Variants in TBXAS1 observed in about 807,000 individuals in gnomAD.
The protein encoded by TBXAS1 is thromboxane-A synthase.
Under a neutral mutation model 60.7 loss-of-function variants are expected in TBXAS1, and 48 were observed. The observed-to-expected ratio is 0.79, with a 90% confidence interval of 0.63 to 1.01. The LOEUF (loss-of-function observed/expected upper bound fraction) is 1.01, where lower values mean the gene tolerates loss of function less well. Ranked by LOEUF, TBXAS1 falls within the 50% of genes least tolerant of loss-of-function variation. The pLI is 0.00. For missense variants in TBXAS1, 685 were observed against 686.3 expected (o/e 1.00, Z 0.02); for synonymous variants, 287 against 269.7 (o/e 1.06, Z -0.63).
intron 4 of TBXAS1, among the ~76,000 whole-genome samples, chr7:139,823,811 G>T (rs930717711): frequency 3.3e-5 from 5 of 152,182 alleles, no homozygotes; most frequent in Non-Finnish European, 1.5e-5. Flanking sequence ...ATCAACCTGG[G>T]AATGAAAAGT....
intron 3 of TBXAS1, among the ~76,000 whole-genome samples, chr7:139,886,774 A>T (rs1219559237): frequency 6.6e-6 from 1 of 152,102 alleles, no homozygotes; most frequent in South Asian, 2.1e-4. Context: ...TCACTTCTTC[A>T]TCTCACTGCC....
chr7:139,831,299 TC>T (rs2116489816), intron 1 of TBXAS1, among the ~76,000 whole-genome samples: 1 of 152,218 alleles, frequency 6.6e-6, no homozygotes, highest in Admixed American at 6.5e-5. Context: ...TTTGGGTCCA[TC>T]CCTTGATTCA....
chr7:139,953,462 G>A lies in TBXAS1; in HGVS notation c.539+6G>A. The A allele has an allele frequency of 1.2e-6, 2 of 1,613,828 alleles. No homozygotes were observed. Among genetic ancestry groups the A allele is most frequent in the Non-Finnish European group, 1.7e-6 (2 of 1,179,692 alleles). ...GACGCATTTGACATCCAGAGGTAAG[G>A]CTGCTGCATTACAGATGAGAAATCG... is the stretch of plus-strand genomic sequence containing the variant. On this transcript the variant is annotated splice_donor_region_variant and intron_variant, in intron 6 of 12. Coordinates refer to ENST00000448866, the MANE Select transcript of TBXAS1 (RefSeq NM_001061.7).
intron 5 of TBXAS1, among the ~76,000 whole-genome samples, chr7:139,951,956 A>AAG (rs1569518393): frequency 9.8e-6 from 1 of 102,124 alleles, no homozygotes; most frequent in Admixed American, 1.1e-4. Context: ...AAAGAAAAGA[A>AAG]AGAAAGAAAG....
chr7:139,980,629 C>A (rs576558622), intron 9 of TBXAS1, among the ~76,000 whole-genome samples: 1 of 151,926 alleles, frequency 6.6e-6, no homozygotes, highest in Admixed American at 6.6e-5. Flanking sequence ...ACTTCCTCCC[C>A]TCGTTTCCTC....
At chr7:139,986,715 A>T (rs1569522668) in intron 9 of TBXAS1, among the ~76,000 whole-genome samples, 1 of 137,392 alleles carries the variant, frequency 7.3e-6, no homozygotes. Flanking sequence ...GCTGAGTAGT[A>T]TTCCATCATA....
At position 139,829,349 on chromosome 7, in the gene TBXAS1, G is replaced by C; in HGVS notation, c.-42G>C. On this transcript the variant is annotated 5_prime_UTR_variant, in exon 1 of 13. Coordinates refer to ENST00000448866, the MANE Select transcript of TBXAS1 (RefSeq NM_001061.7). ...ATAAGGGCGGCGAGATCAGCCTCCT[G>C]TCTCATCTGGAAGACCACCACTCTG... The C allele has an allele frequency of 3.8e-6, 6 of 1,591,960 alleles. No homozygotes were observed. Among genetic ancestry groups the C allele is most frequent in the Non-Finnish European group, 5.2e-6 (6 of 1,163,484 alleles).
chr7:139,805,056 TGA>T (rs1033859858), intron 4 of TBXAS1, among the ~76,000 whole-genome samples: 1 of 151,870 alleles, frequency 6.6e-6, no homozygotes, highest in African/African-American at 2.4e-5. Context: ...GAGGATGGAA[TGA>T]GATAAGTTCA....
intron 4 of TBXAS1, chr7:139,913,256 CT>C (rs1344969454): frequency 3.1e-6 from 2 of 652,980 alleles, no homozygotes; most frequent in Non-Finnish European, 5.7e-6. Context: ...TCAAAGTCCC[CT>C]GGAAGCCGTC....
At chr7:139,787,627 G>A (rs183313564) in intron 4 of TBXAS1, among the ~76,000 whole-genome samples, 264 of 152,232 alleles carry the variant, frequency 1.7e-3, no homozygotes, top group Non-Finnish European at 2.4e-3. Flanking sequence ...CAACGACTGG[G>A]ATGGCCAAGG....
chr7:139,784,173 CTTCT>C (rs1227585155), intron 3 of TBXAS1, among the ~76,000 whole-genome samples: 3 of 151,106 alleles, frequency 2.0e-5, no homozygotes, highest in Admixed American at 6.6e-5. Context: ...CCCTCCCTCC[CTTCT>C]TTCTCTTTCT....
In TBXAS1 at chr7:139,978,403, G is replaced by A. The variant is rs528036664; in HGVS notation, c.1134+16170G>A. 2.0e-4 allele frequency among the ~76,000 whole-genome samples: 31 copies of A among 151,818 alleles called. No individual in the cohort carries two copies. The East Asian group carries it at 2.9e-3, about 14-fold the overall frequency. On this transcript the variant is annotated intron_variant, in intron 9 of 12. Transcript: ENST00000448866. ...TGCACACCTGTAATTCCAGCTACTC[G>A]GGAGGCTGAGGCAGGAGAATTGCTT...
chr7:139,822,983 C>T (rs532469971), intron 4 of TBXAS1, among the ~76,000 whole-genome samples: 19 of 152,166 alleles, frequency 1.2e-4, no homozygotes, highest in African/African-American at 4.6e-4. Context: ...AGATGAACTT[C>T]TTGGTATGGC....
At chr7:139,912,089 G>A (rs1335732866) in intron 4 of TBXAS1, among the ~76,000 whole-genome samples, 3 of 152,138 alleles carry the variant, frequency 2.0e-5, no homozygotes, top group African/African-American at 7.2e-5. Context: ...AATTAGCCGG[G>A]TGTGGTGGCA....
At chr7:139,845,293 GC>G (rs1027564680) in intron 1 of TBXAS1, among the ~76,000 whole-genome samples, 1 of 152,012 alleles carries the variant, frequency 6.6e-6, no homozygotes, top group Non-Finnish European at 1.5e-5. Flanking sequence ...GGCTCCTGAA[GC>G]CCCCTCTGAC....
At position 139,955,406 on chromosome 7, in the gene TBXAS1, T is replaced by C. The variant is rs983533895; in HGVS notation, c.540-53T>C. ...CCTCCTCCTCTGGAGGGGGCCATTG[T>C]GGGTAGCCCCTGCCAGAGTCCTTTC... is the stretch of plus-strand genomic sequence containing the variant. On this transcript the variant is annotated intron_variant, in intron 6 of 12. Transcript: ENST00000448866. 41 of 1,612,260 alleles carry C rather than the reference T, an allele frequency of 2.5e-5. No homozygotes were observed. The African/African-American group carries it at 4.8e-4, about 19-fold the overall frequency.
intron 1 of TBXAS1, among the ~76,000 whole-genome samples, chr7:139,870,321 AAG>A (rs549408082): frequency 7.4e-4 from 112 of 152,376 alleles, no homozygotes; most frequent in African/African-American, 2.5e-3. Context: ...TTACAAAATT[AAG>A]ATGTAATTAT....
intron 5 of TBXAS1, chr7:139,952,835 C>A: frequency 1.2e-6 from 1 of 821,368 alleles, no homozygotes; most frequent in South Asian, 2.3e-5. Flanking sequence ...AAAGAATAAC[C>A]ATCCATCAGG....
chr7:139,872,517 G>A (rs548317369), intron 2 of TBXAS1, among the ~76,000 whole-genome samples, 189 bp downstream of exon 2: 1 of 152,210 alleles, frequency 6.6e-6, no homozygotes, highest in Admixed American at 6.5e-5. Flanking sequence ...AGCTGGGCAT[G>A]GTGGCTCATG....
Sources: gnomAD v4.1 joint callset for allele counts (sites outside exome capture counted in the v4.1 genomes callset) on GRCh38, gnomAD v4.1.1 for gene constraint, MANE v1.5 for transcripts, NCBI Gene and HGNC (gene_info 2026-07-23, HGNC 2026-07-21) for gene names.